The following DNHD1 variants were observed in gnomAD, a reference collection of about 807,000 sequenced individuals.
DNHD1 encodes the protein dynein heavy chain domain-containing protein 1.
A neutral mutation model predicts 458.1 loss-of-function variants in DNHD1; 383 were observed. That is an observed-to-expected ratio of 0.84 (90% CI 0.77 to 0.91). The LOEUF (loss-of-function observed/expected upper bound fraction) is 0.91. DNHD1 is among the 40% of genes least tolerant of loss of function. The pLI, the probability that DNHD1 is intolerant of heterozygous loss-of-function variation, is 0.00. For missense variants in DNHD1, 5,336 were observed against 5,866.1 expected (o/e 0.91, Z 2.95); for synonymous variants, 2,203 against 2,376.9 (o/e 0.93, Z 2.13).
Position 6,572,009 on chromosome 11 carries a change from G to A in DNHD1, c.*23G>A. 1.3e-6 allele frequency: 2 copies of A among 1,578,164 alleles called. No homozygotes were observed. The highest frequency in any genetic ancestry group is 1.7e-6 in the Non-Finnish European group (2 of 1,158,056). Reference sequence around the variant, plus strand: ...TGAGCCCGTCTACCAAAATAAAGTTGTAGTGATTCCATGAAAGATTTCTGA... The same window carrying A: ...TGAGCCCGTCTACCAAAATAAAGTTATAGTGATTCCATGAAAGATTTCTGA... On this transcript the variant is annotated 3_prime_UTR_variant, in exon 43 of 43. Transcript: ENST00000254579.
rs149380422 is a variant in DNHD1, at chr11:6,511,360, C to T, written c.1323C>T (p.Ala441=). 7.3e-4 allele frequency: 1,171 copies of T among 1,614,220 alleles called. 9 individuals are homozygous for T. In the African/African-American group the frequency reaches 0.014, roughly 19 times the overall value. Residue 441 remains alanine, a synonymous_variant, in exon 7 of 43, where the codon GCC becomes GCT. Coordinates refer to ENST00000254579, the MANE Select transcript of DNHD1 (RefSeq NM_144666.3). ...TGCTGGACCTGCAGACGGCTCTAGC[C>T]GAGGAGAAGCATAAGGCTCTACGGC... The part of the protein sequence containing the change: ...YELLDLQTAL[A]EEKHKALRLL...
At chr11:6,555,152 C>T (rs1325941907) in intron 24 of DNHD1, among the ~76,000 whole-genome samples, 1 of 152,168 alleles carries the variant, frequency 6.6e-6, no homozygotes, top group Non-Finnish European at 1.5e-5. Flanking sequence ...TATTCCCTTA[C>T]ATATACTGCC....
intron 10 of DNHD1, 171 bp downstream of exon 10, chr11:6,520,460 A>G: frequency 6.9e-7 from 1 of 1,451,510 alleles, no homozygotes. Context: ...TAGAAAGGTC[A>G]GGGAATGTTT....
At chr11:6,519,550 G>A (rs1301474532) in intron 7 of DNHD1, 50 bp from the exon 8 acceptor site, 1 of 1,603,616 alleles carries the variant, frequency 6.2e-7, no homozygotes, top group East Asian at 2.2e-5. Context: ...GTGGGTGGCT[G>A]GTTTGCTCTC....
Position 6,497,871 on chromosome 11 carries a change from A to C in DNHD1, c.-345A>C. 3.6e-6 allele frequency: 1 copy of C among 275,026 alleles called. No individual in the cohort carries two copies. Among genetic ancestry groups the C allele is most frequent in the Non-Finnish European group, 7.0e-6 (1 of 143,678 alleles). The allele number at this position is 275,026 out of a possible 1,614,324, so 17.0% of individuals were successfully genotyped here. On this transcript the variant is annotated 5_prime_UTR_variant, in exon 3 of 43. Coordinates refer to ENST00000254579, the MANE Select transcript of DNHD1 (RefSeq NM_144666.3). ...TGAGGGGGACAGGGTACTGGGAGGT[A>C]AGAAGGAACTCTTCTGCAAGGAGGG... is the stretch of plus-strand genomic sequence containing the variant.
chr11:6,502,994 C>A, intron 4 of DNHD1, 68 bp downstream of exon 4: 1 of 1,564,808 alleles, frequency 6.4e-7, no homozygotes, highest in Non-Finnish European at 8.7e-7. Flanking sequence ...TCTTCCCCCT[C>A]CTCTTTCTCC....
Position 6,528,868 on chromosome 11 carries a change from C to T in DNHD1, c.2104-10C>T. The T allele has an allele frequency of 6.4e-7, 1 of 1,551,468 alleles. No homozygotes were observed. The highest frequency in any genetic ancestry group is 8.7e-7 in the Non-Finnish European group (1 of 1,146,832). On this transcript the variant is annotated splice_polypyrimidine_tract_variant and intron_variant, in intron 11 of 42. Coordinates refer to ENST00000254579, the MANE Select transcript of DNHD1 (RefSeq NM_144666.3). ...CATGCCTCTGCCCTAAACACCTTGT[C>T]TGCCCTTAGGGCGTGCTGTGCAAGG...
intron 3 of DNHD1, among the ~76,000 whole-genome samples, chr11:6,499,524 C>T (rs1362123704): frequency 6.6e-6 from 1 of 152,104 alleles, no homozygotes; most frequent in Non-Finnish European, 1.5e-5. Flanking sequence ...CCAGTGTGGG[C>T]ACTCTGGCCC....
At position 6,571,402 on chromosome 11, in the gene DNHD1, C is replaced by G. The variant is rs1224873918; in HGVS notation, c.13890C>G (p.Asn4630Lys). The G allele has an allele frequency of 6.2e-7, 1 of 1,604,808 alleles. No individual in the cohort carries two copies. Among genetic ancestry groups the G allele is most frequent in the South Asian group, 1.1e-5 (1 of 90,232 alleles). ...TCCAGTATAAACGTCTGGAGATGAA[C>G]AGCAACCCTCTGCACTTCAGGGTAT... ...SQLQYKRLEM[N>K]SNPLHFRVEN... The change falls in exon 42 of 43, where the codon AAC (asparagine) becomes AAG (lysine). Residue 4630 changes from asparagine to lysine, a missense_variant. Physicochemically the swap from Asn to Lys is moderately conservative, Grantham distance 94. This residue lies in a region of DNHD1 where 698 missense variants were observed against 664.9 expected (regional missense o/e 1.05). Transcript: ENST00000254579. This position sits in a 1 kb window ranked among gnomAD's most constrained non-coding sequence, Gnocchi z 5.0.
chr11:6,528,817 CTGCCCACCAATTCCCATTATAGCCGCA>C, intron 11 of DNHD1, 30 bp downstream of exon 11: 1 of 1,550,202 alleles, frequency 6.5e-7, no homozygotes, highest in Non-Finnish European at 8.7e-7. Context: ...GGATAGGGCG[CTGCCCACCAATTCCCATTATAGCCGCA>C]TGCCTCTGCC....
chr11:6,512,997 C>T (rs914046058), intron 7 of DNHD1, among the ~76,000 whole-genome samples: 96 of 152,014 alleles, frequency 6.3e-4, no homozygotes, highest in Admixed American at 7.2e-4. Flanking sequence ...AAGGCATTAG[C>T]AATGTCAAGA....
At position 6,563,086 on chromosome 11, in the gene DNHD1, G is replaced by T. The variant is rs771877308; in HGVS notation, c.9624G>T (p.Arg3208Ser). The change falls in exon 29 of 43, where the codon AGG (arginine) becomes AGT (serine). Residue 3208 changes from arginine to serine, a missense_variant. By Grantham distance (110) the Arg-to-Ser change is moderately radical (BLOSUM62 -1). Coordinates refer to ENST00000254579, the MANE Select transcript of DNHD1 (RefSeq NM_144666.3). ...HQENLIENLARQRDALQAQRE... is the reference protein window; with the variant it reads ...HQENLIENLASQRDALQAQRE... ...AGAACCTCATTGAGAACCTGGCCAG[G>T]CAACGGGATGCCCTGCAAGCTCAGC... 6.4e-7 allele frequency: 1 copy of T among 1,551,636 alleles called. No homozygotes were observed. Among genetic ancestry groups the T allele is most frequent in the Non-Finnish European group, 8.7e-7 (1 of 1,146,976 alleles).
intron 4 of DNHD1, 84 bp downstream of exon 4, chr11:6,503,010 C>T (rs11040900): frequency 0.31 from 450,231 of 1,471,858 alleles, 72,197 homozygotes; most frequent in Admixed American, 0.36. Flanking sequence ...TCTCCACGTG[C>T]GCACCCTTCT....
chr11:6,556,970 C>G lies in DNHD1; in HGVS notation c.7675C>G (p.Leu2559Val). Residue 2559 changes from leucine (L) to valine (V), a missense_variant, in exon 25 of 43, where the codon CTG (leucine) becomes GTG (valine). By Grantham distance (32) the Leu-to-Val change is conservative. Around this residue, in one of 4 missense-constraint regions of DNHD1, gnomAD observed 3,932 missense variants for 4,365.6 expected, o/e 0.90. Coordinates refer to ENST00000254579, the MANE Select transcript of DNHD1 (RefSeq NM_144666.3). ...CCCTTCTGTGGAACGGGAGCGTGCTCTGGCACGAGGTCTGGTTAGGGCCTC... is the reference window on the plus strand; with the variant it reads ...CCCTTCTGTGGAACGGGAGCGTGCTGTGGCACGAGGTCTGGTTAGGGCCTC... Reference protein sequence around the residue: ...RFPSVERERALARGLVRASVE... With the variant: ...RFPSVERERAVARGLVRASVE... 1 of 1,551,728 alleles carries G rather than the reference C, an allele frequency of 6.4e-7. No individual in the cohort carries two copies.
At position 6,517,652 on chromosome 11, in the gene DNHD1, C is replaced by CTTTTTTT. The variant is rs59300977; in HGVS notation, c.1393-1920_1393-1914dup. Among the ~76,000 whole-genome samples the CTTTTTTT allele has an allele frequency of 6.6e-4, 39 of 59,066 alleles. 1 individual carries two copies. Among genetic ancestry groups the CTTTTTTT allele is most frequent in the African/African-American group, 1.6e-3 (28 of 18,048 alleles). 38.7% of individuals were successfully genotyped at this position (59,066 alleles called of 152,430 possible). A position where few individuals can be genotyped will look rare whatever the true frequency, so the allele number is the denominator to read the frequency against. On this transcript the variant is annotated intron_variant, in intron 7 of 42. Transcript: ENST00000254579. The stretch of plus-strand genomic sequence containing the variant: ...ACAAATACTGTATGATCTAGGACTT[C>CTTTTTTT]TTTTTTTTTTTTTTTTTTTTTTTTT...
chr11:6,538,332 C>A (rs188129988), intron 14 of DNHD1, 51 bp from the exon 15 acceptor site: 16 of 1,541,120 alleles, frequency 1.0e-5, no homozygotes, highest in Non-Finnish European at 1.3e-5. Flanking sequence ...TCCACCACCC[C>A]CCTCCCAACA....
At chr11:6,529,618 G>A (rs1235400127) in intron 12 of DNHD1, among the ~76,000 whole-genome samples, 1 of 152,120 alleles carries the variant, frequency 6.6e-6, no homozygotes, top group East Asian at 1.9e-4. Context: ...GGATATCTGG[G>A]CAATTGAAAA....
chr11:6,508,252 G>A (rs1194479048), intron 4 of DNHD1: 2 of 152,438 alleles, frequency 1.3e-5, no homozygotes, highest in African/African-American at 4.8e-5. Context: ...TTTTGCTGAA[G>A]TAAGAGAACC....
At chr11:6,530,633 A>G (rs1048511351) in intron 12 of DNHD1, among the ~76,000 whole-genome samples, 2 of 152,110 alleles carry the variant, frequency 1.3e-5, no homozygotes, top group Non-Finnish European at 2.9e-5. Context: ...GCCTGGAAAG[A>G]GTTTGCTTGT....
Sources: allele counts gnomAD v4.1 joint callset (sites outside exome capture counted in the v4.1 genomes callset), GRCh38; gene constraint gnomAD v4.1.1; regional missense constraint gnomAD v4.1.1; non-coding constraint Gnocchi (gnomAD v3.1); transcripts MANE v1.5; gene names NCBI Gene and HGNC (gene_info 2026-07-23, HGNC 2026-07-21).